Variants in MINDY4B observed in about 807,000 individuals in gnomAD.
MINDY4B encodes the protein MINDY family member 4B, also known as inactive ubiquitin carboxyl-terminal hydrolase MINDY-4B.
In MINDY4B, 25 loss-of-function variants were observed where a neutral mutation model predicts 16.7. The ratio of observed to expected loss-of-function variants is 1.49; its 90% CI spans 1.09 to 2.09. The LOEUF (loss-of-function observed/expected upper bound fraction) is 2.09. Ranked by LOEUF, MINDY4B falls within the 30% of genes most tolerant of loss-of-function variation. The pLI is 0.00. For missense variants in MINDY4B, 327 were observed against 168.4 expected, an observed-to-expected ratio of 1.94 and a Z score of -5.21; for synonymous variants, 132 against 61.9, an observed-to-expected ratio of 2.13 and a Z score of -5.32.
intron 7 of MINDY4B, among the ~76,000 whole-genome samples, chr3:150,886,827 C>T (rs898700141): frequency 2.0e-5 from 3 of 152,086 alleles, no homozygotes; most frequent in Non-Finnish European, 4.4e-5. Context: ...CTGGATAATC[C>T]AGGATAATGT....
At chr3:150,889,075 T>TA (rs1391384307) in intron 7 of MINDY4B, among the ~76,000 whole-genome samples, 1 of 152,234 alleles carries the variant, frequency 6.6e-6, no homozygotes, top group African/African-American at 2.4e-5. Context: ...GTCAGGTACT[T>TA]AAAATCTATC....
intron 9 of MINDY4B, 57 bp downstream of exon 9, chr3:150,883,643 A>G: frequency 1.4e-6 from 1 of 690,950 alleles, no homozygotes; most frequent in Non-Finnish European, 2.6e-6. Flanking sequence ...CAAACTCTGC[A>G]TGTGGCATTC....
chr3:150,902,286 A>C (rs749700691), intron 3 of MINDY4B, among the ~76,000 whole-genome samples: 5 of 152,214 alleles, frequency 3.3e-5, no homozygotes, highest in Non-Finnish European at 7.3e-5. Context: ...GTCCTCAGGA[A>C]GAAGGTCCCT....
Position 150,882,906 on chromosome 3 carries a change from T to A in MINDY4B, c.1050A>T (p.Arg350Ser). ...ACTGGAACACACTCACCTGTGAGAG[T>A]CTGTCATCTTCCGAGGCATCCTTAC... ...QWGKDASEDD[R>S]LSQVGSMLKT... The change falls in exon 10 of 12, where the codon AGA becomes AGT. Residue 350 changes from arginine (R) to serine (S), a missense_variant. Transcript: ENST00000465419. The A allele has an allele frequency of 1.4e-6, 1 of 701,456 alleles. No homozygotes were observed. Among genetic ancestry groups the A allele is most frequent in the South Asian group, 1.5e-5 (1 of 67,414 alleles). The allele number at this position is 701,456 out of a possible 1,614,324, so 43.5% of individuals were successfully genotyped here.
At position 150,897,321 on chromosome 3, in the gene MINDY4B, CTGTGTGTGTG is replaced by C. The variant is rs3062408; in HGVS notation, c.310-3026_310-3017del. ...GAGTAAGTGTTCAATGTGACTGGAACTGTGTGTGTGTGTGTGTGTGTGTGTGTGTGTGTGT... is the reference window on the plus strand; with the variant it reads ...GAGTAAGTGTTCAATGTGACTGGAACTGTGTGTGTGTGTGTGTGTGTGTGT... On this transcript the variant is annotated intron_variant, in intron 3 of 11. Transcript: ENST00000465419. 3.0e-3 allele frequency among the ~76,000 whole-genome samples: 396 copies of C among 130,596 alleles called. 3 individuals are homozygous for C. Among genetic ancestry groups the C allele is most frequent in the African/African-American group, 9.5e-3 (326 of 34,438 alleles). 85.7% of individuals were successfully genotyped at this position (130,596 alleles called of 152,430 possible). A position where few individuals can be genotyped will look rare whatever the true frequency, so the allele number is the denominator to read the frequency against.
Position 150,872,587 on chromosome 3 carries a change from T to C in MINDY4B, c.1240+600A>G, listed in dbSNP as rs191420420. ...TGCTTCTCCTGTTGGATTTGAACCA[T>C]GTTTGTGGAACTTTTTGGAATAAAA... On this transcript the variant is annotated intron_variant, in intron 11 of 11. Transcript: ENST00000465419. Among the ~76,000 whole-genome samples, 489 of 152,350 alleles carry C rather than the reference T, an allele frequency of 3.2e-3. 8 individuals are homozygous for C. The highest frequency in any genetic ancestry group is 0.011 in the African/African-American group (476 of 41,582).
intron 3 of MINDY4B, among the ~76,000 whole-genome samples, chr3:150,896,326 C>A (rs2107908515): frequency 6.6e-6 from 1 of 152,254 alleles, no homozygotes; most frequent in African/African-American, 2.4e-5. Flanking sequence ...TTCCCTGGTG[C>A]CTCCCTGATT....
chr3:150,904,846 T>G (rs986027164), intron 2 of MINDY4B, among the ~76,000 whole-genome samples: 1 of 152,190 alleles, frequency 6.6e-6, no homozygotes, highest in Non-Finnish European at 1.5e-5. Context: ...ATGCTCTTAA[T>G]GATACAAACA....
At chr3:150,892,198 T>C (rs2107905974) in intron 5 of MINDY4B, among the ~76,000 whole-genome samples, 1 of 152,280 alleles carries the variant, frequency 6.6e-6, no homozygotes, top group South Asian at 2.1e-4. Flanking sequence ...GAGCAAGAGG[T>C]ACAGAAGCCC....
At chr3:150,876,276 C>T (rs1317230767) in intron 10 of MINDY4B, among the ~76,000 whole-genome samples, 2 of 152,184 alleles carry the variant, frequency 1.3e-5, no homozygotes, top group East Asian at 1.9e-4. Context: ...ACAAATTCTA[C>T]ACATCAGAGT....
chr3:150,900,116 C>G (rs1316086036), intron 3 of MINDY4B, among the ~76,000 whole-genome samples: 1 of 152,172 alleles, frequency 6.6e-6, no homozygotes, highest in Non-Finnish European at 1.5e-5. Context: ...CGATGCTCAC[C>G]TTTCCCACGA....
In MINDY4B at chr3:150,871,059, C is replaced by T. The variant is rs530517586; in HGVS notation, c.1369G>A (p.Val457Ile). The change falls in exon 12 of 12, where the codon GTT becomes ATT. Residue 457 changes from valine (V) to isoleucine (I), a missense_variant. Val to Ile is a conservative substitution (Grantham distance 29). Coordinates refer to ENST00000465419, the MANE Select transcript of MINDY4B (RefSeq NM_001351281.2). ...SEATINWNGTVPFF is the reference protein window; with the variant it reads ...SEATINWNGTIPFF ...CTAGTTTCCCTTTAGAAGAAGGGAA[C>T]GGTCCCATTCCAGTTGATGGTGGCC... The T allele has an allele frequency of 4.1e-5, 29 of 702,816 alleles. No individual in the cohort carries two copies. The highest frequency in any genetic ancestry group is 8.9e-5 in the South Asian group (6 of 67,584). The allele number at this position is 702,816 out of a possible 1,614,324, so 43.5% of individuals were successfully genotyped here.
chr3:150,872,555 G>A (rs190652830), intron 11 of MINDY4B, among the ~76,000 whole-genome samples: 4 of 152,124 alleles, frequency 2.6e-5, no homozygotes, highest in Non-Finnish European at 4.4e-5. Flanking sequence ...TGATCTGTTC[G>A]GTTGTCTGCT....
At chr3:150,889,275 G>C (rs1289838550) in intron 7 of MINDY4B, among the ~76,000 whole-genome samples, 1 of 152,228 alleles carries the variant, frequency 6.6e-6, no homozygotes, top group Admixed American at 6.5e-5. Context: ...CTGTTTCCTA[G>C]TCCTTACCAG....
intron 10 of MINDY4B, among the ~76,000 whole-genome samples, chr3:150,877,067 C>T (rs1236679967): frequency 1.3e-5 from 2 of 151,836 alleles, no homozygotes; most frequent in Admixed American, 1.3e-4. Context: ...TTTAAAGTCT[C>T]ACCCACTGGG....
At chr3:150,871,769 T>C (rs907953933) in intron 11 of MINDY4B, among the ~76,000 whole-genome samples, 3 of 152,236 alleles carry the variant, frequency 2.0e-5, no homozygotes, top group Admixed American at 2.0e-4. Flanking sequence ...CACTTGAACC[T>C]GGGAGGTGGA....
At chr3:150,888,584 T>A (rs1711690834) in intron 7 of MINDY4B, among the ~76,000 whole-genome samples, 1 of 152,144 alleles carries the variant, frequency 6.6e-6, no homozygotes, top group South Asian at 2.1e-4. Flanking sequence ...GGGGTGCTGA[T>A]CACAATGTGC....
intron 7 of MINDY4B, among the ~76,000 whole-genome samples, chr3:150,885,795 C>A (rs1310375265): frequency 6.6e-6 from 1 of 152,164 alleles, no homozygotes; most frequent in Non-Finnish European, 1.5e-5. Context: ...CTCTTCTCTC[C>A]TCATGTCCTT....
intron 7 of MINDY4B, among the ~76,000 whole-genome samples, chr3:150,889,166 C>T (rs931174313): frequency 6.6e-6 from 1 of 152,234 alleles, no homozygotes; most frequent in Non-Finnish European, 1.5e-5. Context: ...GATTTATGAT[C>T]TTACAGTTCT....
Sources: allele counts gnomAD v4.1 joint callset (sites outside exome capture counted in the v4.1 genomes callset), GRCh38; gene constraint gnomAD v4.1.1; transcripts MANE v1.5; gene names NCBI Gene and HGNC (gene_info 2026-07-23, HGNC 2026-07-21).